Variants in DNAH10 observed in about 807,000 individuals in gnomAD.
The protein encoded by DNAH10 is axonemal beta dynein heavy chain 10.
DNAH10 carries 348 observed loss-of-function variants against 506.6 expected under a neutral mutation model. The ratio of observed to expected loss-of-function variants is 0.69; its 90% CI spans 0.63 to 0.75. The LOEUF (loss-of-function observed/expected upper bound fraction) is 0.75, where lower values mean the gene tolerates loss of function less well. Among genes scored for constraint, DNAH10 ranks in the 30% least tolerant of loss-of-function variants. DNAH10 has a pLI of 0.00. For missense variants in DNAH10, 5,179 were observed against 5,787.1 expected (o/e 0.89, Z 3.41); for synonymous variants, 2,059 against 2,198.6 (o/e 0.94, Z 1.78).
chr12:123,831,851 G>C (rs1207649915), intron 26 of DNAH10, among the ~76,000 whole-genome samples: 3 of 151,124 alleles, frequency 2.0e-5, no homozygotes, highest in Admixed American at 6.6e-5. Context: ...GCTGCAGTGA[G>C]CCGAGATCGC....
rs755627448 is a variant in DNAH10, at chr12:123,859,212, G to A, written c.6693G>A (p.Gly2231=). 3.8e-5 allele frequency: 61 copies of A among 1,611,662 alleles called. No homozygotes were observed. In the South Asian group the frequency reaches 5.4e-4, roughly 14 times the overall value. The change falls in exon 38 of 79, where the codon GGG becomes GGA. Residue 2231 remains glycine, a synonymous_variant. Transcript: ENST00000673944. ...CCCGCCACACGACGATGGTGGTGGGGCCCACCAGAGGGGGCAAGTCCGTCG... is the reference window on the plus strand; with the variant it reads ...CCCGCCACACGACGATGGTGGTGGGACCCACCAGAGGGGGCAAGTCCGTCG... ...MLTRHTTMVV[G]PTRGGKSVVI...
chr12:123,934,891 G>A (rs1437491858), intron 78 of DNAH10, 125 bp downstream of exon 78: 28 of 1,273,444 alleles, frequency 2.2e-5, no homozygotes, highest in Non-Finnish European at 2.9e-5. Context: ...ATGGGCTGGG[G>A]AGAGTCTTGG....
intron 23 of DNAH10, 85 bp downstream of exon 23, chr12:123,819,335 A>G: frequency 2.1e-6 from 2 of 950,292 alleles, no homozygotes; most frequent in South Asian, 1.5e-5. Context: ...ATGGCAAGTG[A>G]TGATGGTGCC....
intron 36 of DNAH10, among the ~76,000 whole-genome samples, chr12:123,855,987 CTT>C (rs749387271): frequency 6.1e-5 from 9 of 148,584 alleles, no homozygotes; most frequent in Non-Finnish European, 1.2e-4. Flanking sequence ...TCATATGAAA[CTT>C]TGAAAAATGC....
chr12:123,827,631 G>A (rs181255047), intron 25 of DNAH10, among the ~76,000 whole-genome samples: 4 of 152,188 alleles, frequency 2.6e-5, no homozygotes, highest in Admixed American at 2.0e-4. Context: ...TCTATTCCTC[G>A]GTCATGTTTT....
chr12:123,851,170 C>G, intron 35 of DNAH10, 94 bp downstream of exon 35: 1 of 1,336,596 alleles, frequency 7.5e-7, no homozygotes. Flanking sequence ...CTCCGTGTGG[C>G]TCTTCCAGAC....
chr12:123,767,241 C>A (rs913373935), intron 1 of DNAH10, among the ~76,000 whole-genome samples: 1 of 152,154 alleles, frequency 6.6e-6, no homozygotes, highest in African/African-American at 2.4e-5. Flanking sequence ...AACATACACA[C>A]GGCCTGCAAT....
intron 32 of DNAH10, 146 bp from the exon 33 acceptor site, chr12:123,847,815 C>T: frequency 1.9e-6 from 2 of 1,075,736 alleles, no homozygotes; most frequent in Non-Finnish European, 2.6e-6. Flanking sequence ...CCTGGGCATC[C>T]TGTGGCCCAG....
At position 123,932,004 on chromosome 12, in the gene DNAH10, G is replaced by A. The variant is rs759073156; in HGVS notation, c.13192G>A (p.Gly4398Arg). 7.4e-6 allele frequency: 12 copies of A among 1,613,854 alleles called. 1 individual carries two copies. Among genetic ancestry groups the A allele is most frequent in the South Asian group, 4.4e-5 (4 of 91,078 alleles). Residue 4398 changes from glycine (G) to arginine (R), a missense_variant, in exon 76 of 79, where the codon GGG becomes AGG. By Grantham distance (125) the Gly-to-Arg change is moderately radical (BLOSUM62 -2). Around this residue, in one of 3 missense-constraint regions of DNAH10, gnomAD observed 4,844 missense variants for 5,430.5 expected, o/e 0.89. Coordinates refer to ENST00000673944, the MANE Select transcript of DNAH10 (RefSeq NM_001372106.1). ...LDDVARSLFI[G>R]HIPNIWRRLA... ...TGATGTGGCCAGGTCTCTTTTTATC[G>A]GGCATATCCCTAATATCTGGAGAAG... is the stretch of plus-strand genomic sequence containing the variant.
intron 13 of DNAH10, among the ~76,000 whole-genome samples, chr12:123,798,526 C>T (rs944886472): frequency 2.0e-5 from 3 of 152,096 alleles, no homozygotes; most frequent in Non-Finnish European, 2.9e-5. Context: ...GATCCAGTTG[C>T]CTCCCAGCAG....
intron 52 of DNAH10, among the ~76,000 whole-genome samples, chr12:123,888,784 G>C (rs1291644557): frequency 6.6e-6 from 1 of 152,086 alleles, no homozygotes; most frequent in Non-Finnish European, 1.5e-5. Context: ...GGTGAGACTC[G>C]AACCCAGGAT....
chr12:123,770,969 TA>T (rs1555303595), intron 2 of DNAH10, among the ~76,000 whole-genome samples: 2 of 132,858 alleles, frequency 1.5e-5, no homozygotes, highest in African/African-American at 5.8e-5. Context: ...ATGCTAGCTG[TA>T]ATTCTTTTTT....
intron 19 of DNAH10, among the ~76,000 whole-genome samples, chr12:123,811,030 G>T (rs73422721): frequency 6.6e-6 from 1 of 152,076 alleles, no homozygotes; most frequent in African/African-American, 2.4e-5. Flanking sequence ...TCTTAGATAA[G>T]GTTAAAAATG....
intron 76 of DNAH10, 133 bp downstream of exon 76, chr12:123,932,241 G>T: frequency 9.1e-7 from 1 of 1,104,412 alleles, no homozygotes; most frequent in East Asian, 2.5e-5. Context: ...TCTGGAAATG[G>T]TCTGAGATTC....
intron 47 of DNAH10, among the ~76,000 whole-genome samples, chr12:123,877,477 A>G (rs1952305776): frequency 6.6e-6 from 1 of 151,876 alleles, no homozygotes; most frequent in African/African-American, 2.4e-5. Context: ...ATGCCCAGCT[A>G]ATGTTTATAT....
chr12:123,782,345 CCTCCCCTCCCCTTCT>C (rs1343702589), intron 6 of DNAH10, among the ~76,000 whole-genome samples: 1 of 127,832 alleles, frequency 7.8e-6, no homozygotes, highest in African/African-American at 3.1e-5. Flanking sequence ...CCTCCCCTCC[CCTCCCCTCCCCTTCT>C]CTCCCCTCCC....
chr12:123,844,020 T>A (rs1950862120), intron 30 of DNAH10, among the ~76,000 whole-genome samples: 1 of 152,182 alleles, frequency 6.6e-6, no homozygotes, highest in South Asian at 2.1e-4. Context: ...ACTGGGTAAT[T>A]TATAAAGAAA....
At chr12:123,887,744 T>C (rs1206959965) in intron 52 of DNAH10, among the ~76,000 whole-genome samples, 1 of 151,924 alleles carries the variant, frequency 6.6e-6, no homozygotes, top group East Asian at 1.9e-4. Context: ...TTACAAATTT[T>C]TTTTTTCTTT....
At position 123,875,374 on chromosome 12, in the gene DNAH10, A is replaced by C. The variant is rs762968376; in HGVS notation, c.8082A>C (p.Gly2694=). The C allele has an allele frequency of 8.1e-6, 13 of 1,614,000 alleles. No homozygotes were observed. The highest frequency in any genetic ancestry group is 1.7e-5 in the Admixed American group (1 of 60,034). The change falls in exon 47 of 79, where the codon GGA becomes GGC. Residue 2694 remains glycine, a synonymous_variant. Transcript: ENST00000673944. The part of the protein sequence containing the change: ...GFIAAMGKAG[G]GRNEVDPRFI... The stretch of plus-strand genomic sequence containing the variant: ...TTGCTGCAATGGGAAAGGCTGGAGG[A>C]GGCCGCAATGAAGTTGACCCAAGAT...
Sources: allele counts gnomAD v4.1 joint callset (sites outside exome capture counted in the v4.1 genomes callset), GRCh38; gene constraint gnomAD v4.1.1; regional missense constraint gnomAD v4.1.1; transcripts MANE v1.5; gene names NCBI Gene and HGNC (gene_info 2026-07-23, HGNC 2026-07-21).